The following CGNL1 variants were observed in gnomAD, a reference collection of about 807,000 sequenced individuals.
The protein encoded by CGNL1 is cingulin-like protein 1.
Under a neutral mutation model 141.2 loss-of-function variants are expected in CGNL1, and 132 were observed. The observed-to-expected ratio is 0.93, with a 90% CI of 0.81 to 1.08. The LOEUF is 1.08. CGNL1 is among the 50% of genes least tolerant of loss of function. The pLI is 0.00. For missense variants in CGNL1, 1,870 were observed against 1,588.6 expected (o/e 1.18, Z -3.01); for synonymous variants, 690 against 622.1 (o/e 1.11, Z -1.63).
At chr15:57,481,384 T>C (rs1173918914) in intron 8 of CGNL1, among the ~76,000 whole-genome samples, 1 of 152,204 alleles carries the variant, frequency 6.6e-6, no homozygotes, top group African/African-American at 2.4e-5. Context: ...TGTACTTCTC[T>C]CTGGTTTTTA....
chr15:57,465,818 G>T (rs537685920), intron 8 of CGNL1, among the ~76,000 whole-genome samples: 14 of 152,270 alleles, frequency 9.2e-5, no homozygotes, highest in African/African-American at 3.4e-4. Flanking sequence ...AAAATAACCA[G>T]CACTTTATCC....
chr15:57,513,244 G>C lies in CGNL1; in HGVS notation c.2404-3536G>C, dbSNP rs189995508. Among the ~76,000 whole-genome samples, 121 of 142,566 alleles carry C rather than the reference G, an allele frequency of 8.5e-4. 1 individual carries two copies. The highest frequency in any genetic ancestry group is 2.6e-3 in the African/African-American group (100 of 38,286). 93.5% of individuals were successfully genotyped at this position (142,566 alleles called of 152,430 possible). ...TGCTATTCCAGACTTTCATATAAAT[G>C]TCAATATGGGTGTGTGTGTGTGTGT... On this transcript the variant is annotated intron_variant, in intron 8 of 18. Coordinates refer to ENST00000281282, the MANE Select transcript of CGNL1 (RefSeq NM_032866.5).
intron 8 of CGNL1, among the ~76,000 whole-genome samples, chr15:57,503,777 A>C (rs2064061200): frequency 6.6e-6 from 1 of 152,184 alleles, no homozygotes; most frequent in South Asian, 2.1e-4. Context: ...AAGATACAGA[A>C]GCGGAAACCT....
rs373975572 is a variant in CGNL1, at chr15:57,452,274, G to A, written c.2039G>A (p.Arg680Gln). 1.7e-5 allele frequency: 28 copies of A among 1,613,370 alleles called. No homozygotes were observed. Among genetic ancestry groups the A allele is most frequent in the African/African-American group, 8.0e-5 (6 of 74,858 alleles). ...CTGGAAGAAAGTGAAGGGGAGCTCC[G>A]GAAGAATCTGGAGGAGTAAGTTCTG... Reference protein sequence around the residue: ...QRLEESEGELRKNLEELFQVK... With the variant: ...QRLEESEGELQKNLEELFQVK... Residue 680 changes from arginine (R) to glutamine (Q), a missense_variant, in exon 6 of 19, where the codon CGG (arginine) becomes CAG (glutamine). Transcript: ENST00000281282.
chr15:57,414,162 G>T (rs1289106987), intron 1 of CGNL1, among the ~76,000 whole-genome samples: 1 of 152,186 alleles, frequency 6.6e-6, no homozygotes, highest in Non-Finnish European at 1.5e-5. Flanking sequence ...TGGGCATGGA[G>T]CTGATAGCAG....
At chr15:57,394,980 C>T (rs1341939258) in intron 1 of CGNL1, among the ~76,000 whole-genome samples, 2 of 152,186 alleles carry the variant, frequency 1.3e-5, no homozygotes, top group African/African-American at 4.8e-5. Context: ...TGCATGGTGG[C>T]ATACGCCTGT....
At chr15:57,498,967 C>T (rs1376949094) in intron 8 of CGNL1, among the ~76,000 whole-genome samples, 2 of 151,944 alleles carry the variant, frequency 1.3e-5, no homozygotes, top group Admixed American at 6.6e-5. Context: ...TTTATTTTTG[C>T]GTTTATCCTT....
intron 1 of CGNL1, among the ~76,000 whole-genome samples, chr15:57,426,247 G>A (rs1422366379): frequency 6.6e-6 from 1 of 151,962 alleles, no homozygotes; most frequent in Non-Finnish European, 1.5e-5. Context: ...CAGGTTCAAG[G>A]GATTCTCCTG....
intron 8 of CGNL1, among the ~76,000 whole-genome samples, chr15:57,510,411 C>G (rs765661468): frequency 6.6e-6 from 1 of 152,312 alleles, no homozygotes; most frequent in Admixed American, 6.5e-5. Context: ...GCTGTTTCCT[C>G]TAAACAGACA....
intron 1 of CGNL1, among the ~76,000 whole-genome samples, chr15:57,413,900 C>T (rs1013822801): frequency 2.0e-5 from 3 of 152,148 alleles, no homozygotes; most frequent in African/African-American, 7.2e-5. Context: ...GTGGCTCTTT[C>T]AAGGAGATGC....
chr15:57,383,958 A>C (rs1348479077), intron 1 of CGNL1, among the ~76,000 whole-genome samples: 3 of 151,338 alleles, frequency 2.0e-5, no homozygotes, highest in African/African-American at 7.3e-5. Context: ...GATTTCTTTT[A>C]CTTGTGAGTT....
At chr15:57,387,124 G>A (rs758225801) in intron 1 of CGNL1, among the ~76,000 whole-genome samples, 2 of 152,042 alleles carry the variant, frequency 1.3e-5, no homozygotes, top group Admixed American at 1.3e-4. Context: ...CTGCGAGCCC[G>A]CTCATCTATT....
rs564097484 is a variant in CGNL1 at position 57,476,619 on chromosome 15, A to C, written c.2403+14727A>C. Among the ~76,000 whole-genome samples the C allele has an allele frequency of 3.3e-5, 5 of 152,318 alleles. No individual in the cohort carries two copies. The South Asian group carries it at 1.0e-3, about 32-fold the overall frequency. ...ATGTGGTTTAGTGAGTTTTAGCTACAGAGTAAGTCATGTGTTCACGGTGAC... is the reference window on the plus strand; with the variant it reads ...ATGTGGTTTAGTGAGTTTTAGCTACCGAGTAAGTCATGTGTTCACGGTGAC... On this transcript the variant is annotated intron_variant, in intron 8 of 18. Coordinates refer to ENST00000281282, the MANE Select transcript of CGNL1 (RefSeq NM_032866.5).
In CGNL1 at chr15:57,546,007, C is replaced by T. The variant is rs1254642132; in HGVS notation, c.3610-69C>T. The T allele has an allele frequency of 7.8e-6, 12 of 1,537,128 alleles. No homozygotes were observed. In the East Asian group the frequency reaches 2.0e-4, roughly 26 times the overall value. On this transcript the variant is annotated intron_variant, in intron 17 of 18. Transcript: ENST00000281282. ...GTTGCCTGGGGAGATGGTGGCTGGACCTGGGGTAAGCTGAGCGCTGGGGCT... is the reference window on the plus strand; with the variant it reads ...GTTGCCTGGGGAGATGGTGGCTGGATCTGGGGTAAGCTGAGCGCTGGGGCT...
rs185111711 is a variant in CGNL1 at position 57,382,446 on chromosome 15, G to A, written c.-16+5879G>A. 3.2e-4 allele frequency among the ~76,000 whole-genome samples: 48 copies of A among 152,308 alleles called. 1 individual carries two copies. The highest frequency in any genetic ancestry group is 5.3e-4 in the Non-Finnish European group (36 of 68,034). ...AGAAGCCTCTTTGTTTACAGGGCAG[G>A]GTTTCTTCCCTGCTGCCCAATCACA... On this transcript the variant is annotated intron_variant, in intron 1 of 18. Coordinates refer to ENST00000281282, the MANE Select transcript of CGNL1 (RefSeq NM_032866.5).
intron 8 of CGNL1, among the ~76,000 whole-genome samples, chr15:57,468,713 T>C (rs111242845): frequency 3.7e-4 from 56 of 152,238 alleles, no homozygotes; most frequent in African/African-American, 1.3e-3. Context: ...ACTGATATGA[T>C]TTGGCTATGT....
chr15:57,485,629 T>A (rs1233771029), intron 8 of CGNL1, among the ~76,000 whole-genome samples: 2 of 152,244 alleles, frequency 1.3e-5, no homozygotes, highest in African/African-American at 4.8e-5. Flanking sequence ...AAATTGTAAT[T>A]GTGTGGAATT....
chr15:57,452,310 C>G (rs1210070668), intron 6 of CGNL1, 21 bp downstream of exon 6: 1 of 1,605,802 alleles, frequency 6.2e-7, no homozygotes, highest in Non-Finnish European at 8.5e-7. Flanking sequence ...GGCTGAGAGC[C>G]TGTTGCCCTT....
intron 1 of CGNL1, among the ~76,000 whole-genome samples, chr15:57,388,813 A>C (rs1445308076): frequency 6.6e-6 from 1 of 152,228 alleles, no homozygotes; most frequent in Admixed American, 6.5e-5. Flanking sequence ...GATTTTATTT[A>C]GACTTCCAAA....
Sources: gnomAD v4.1 joint callset for allele counts (sites outside exome capture counted in the v4.1 genomes callset) on GRCh38, gnomAD v4.1.1 for gene constraint, MANE v1.5 for transcripts, NCBI Gene and HGNC (gene_info 2026-07-23, HGNC 2026-07-21) for gene names.